The following CMAS variants were observed in gnomAD, a reference collection of about 807,000 sequenced individuals.
CMAS encodes the protein cytidine monophosphate N-acetylneuraminic acid synthetase, also known as N-acylneuraminate cytidylyltransferase.
In CMAS, 21 loss-of-function variants were observed where a neutral mutation model predicts 53.4. That is an observed-to-expected ratio of 0.39 (90% CI 0.28 to 0.57). The LOEUF (loss-of-function observed/expected upper bound fraction) is 0.57, where lower values mean the gene tolerates loss of function less well. Ranked by LOEUF, CMAS falls within the 20% of genes least tolerant of loss-of-function variation. The pLI, the probability that CMAS is intolerant of heterozygous loss-of-function variation, is 0.56. For missense variants in CMAS, 384 were observed against 534.9 expected (o/e 0.72, Z 2.78); for synonymous variants, 189 against 195.2 (o/e 0.97, Z 0.27).
intron 1 of CMAS, among the ~76,000 whole-genome samples, chr12:22,047,171 G>A (rs1036805322): frequency 6.6e-6 from 1 of 152,160 alleles, no homozygotes; most frequent in Non-Finnish European, 1.5e-5. Flanking sequence ...CAGTGGGAAG[G>A]TGTACAACTG....
At chr12:22,063,361 G>C (rs966744101) in intron 7 of CMAS, among the ~76,000 whole-genome samples, 2 of 152,146 alleles carry the variant, frequency 1.3e-5, no homozygotes, top group African/African-American at 2.4e-5. Flanking sequence ...GTTTGTTAAA[G>C]ACAGATCCAA....
chr12:22,057,809 T>C (rs1280141814), intron 3 of CMAS, among the ~76,000 whole-genome samples: 1 of 151,978 alleles, frequency 6.6e-6, no homozygotes, highest in Admixed American at 6.5e-5. Context: ...TTACAGATTT[T>C]ATTCCTTTAA....
At chr12:22,058,545 T>TA (rs764746222) in intron 3 of CMAS, 22 bp from the exon 4 acceptor site, 14 of 1,604,754 alleles carry the variant, frequency 8.7e-6, no homozygotes, top group Non-Finnish European at 2.6e-6. Context: ...AACGTGGACT[T>TA]ACTCTAACTT....
At chr12:22,048,915 G>A (rs1950222891) in intron 1 of CMAS, among the ~76,000 whole-genome samples, 1 of 152,092 alleles carries the variant, frequency 6.6e-6, no homozygotes, top group African/African-American at 2.4e-5. Context: ...GCACCCCTCA[G>A]TGCCTTTCCC....
At chr12:22,059,146 A>ATG (rs1193619072) in intron 4 of CMAS, among the ~76,000 whole-genome samples, 4 of 122,708 alleles carry the variant, frequency 3.3e-5, no homozygotes, top group Non-Finnish European at 6.5e-5. Flanking sequence ...ATATATATAT[A>ATG]TATTTTTTTT....
At chr12:22,051,986 T>G (rs564805205) in intron 1 of CMAS, among the ~76,000 whole-genome samples, 1 of 152,234 alleles carries the variant, frequency 6.6e-6, no homozygotes, top group South Asian at 2.1e-4. Flanking sequence ...TAGGGAGATA[T>G]GGATTTTTCC....
Position 22,065,260 on chromosome 12 carries a change from A to C in CMAS, c.1254A>C (p.Ala418=). Residue 418 remains alanine, a synonymous_variant, in exon 8 of 8, where the codon GCA becomes GCC. Coordinates refer to ENST00000229329, the MANE Select transcript of CMAS (RefSeq NM_018686.6). ...NGGRGAIREF[A]EHICLLMEKV... ...GCCGTGGTGCCATCCGAGAATTTGC[A>C]GAGCACATTTGCCTACTAATGGAAA... 1 of 1,614,148 alleles carries C rather than the reference A, an allele frequency of 6.2e-7. No individual in the cohort carries two copies. Among genetic ancestry groups the C allele is most frequent in the East Asian group, 2.2e-5 (1 of 44,882 alleles).
At chr12:22,057,978 C>T (rs1008461150) in intron 3 of CMAS, among the ~76,000 whole-genome samples, 2 of 151,640 alleles carry the variant, frequency 1.3e-5, no homozygotes, top group Non-Finnish European at 2.9e-5. Context: ...CAGGTACCCA[C>T]CACCATGCCC....
chr12:22,053,981 C>T (rs1290510052), intron 1 of CMAS, among the ~76,000 whole-genome samples: 1 of 150,634 alleles, frequency 6.6e-6, no homozygotes, highest in Non-Finnish European at 1.5e-5. Flanking sequence ...GGCTGGAGTG[C>T]AGTGGCGCGA....
rs890186487 is a variant in CMAS, at chr12:22,050,831, T to A, written c.260+4268T>A. ...ACTCCTGCCATACTAGGTGAAAAGC[T>A]AAGCTTCTTATGAGCAAGTACCCTC... On this transcript the variant is annotated intron_variant, in intron 1 of 7. Coordinates refer to ENST00000229329, the MANE Select transcript of CMAS (RefSeq NM_018686.6). Among the ~76,000 whole-genome samples the A allele has an allele frequency of 2.6e-5, 4 of 152,072 alleles. No homozygotes were observed. The East Asian group carries it at 7.7e-4, about 29-fold the overall frequency.
intron 1 of CMAS, among the ~76,000 whole-genome samples, chr12:22,047,028 G>GT (rs1950211759): frequency 6.6e-6 from 1 of 152,132 alleles, no homozygotes. Context: ...ATGGAGTTGA[G>GT]TGTCGGGGTG....
intron 1 of CMAS, among the ~76,000 whole-genome samples, chr12:22,047,045 C>T (rs1392682046): frequency 7.2e-5 from 11 of 152,156 alleles, no homozygotes; most frequent in African/African-American, 2.7e-4. Context: ...GGTGTCAGAG[C>T]TGAATTTCAA....
Position 22,046,342 on chromosome 12 carries a change from C to T in CMAS, c.39C>T (p.Ser13=). 3 of 1,512,126 alleles carry T rather than the reference C, an allele frequency of 2.0e-6. No homozygotes were observed. The highest frequency in any genetic ancestry group is 2.7e-6 in the Non-Finnish European group (3 of 1,129,320). 93.7% of individuals were successfully genotyped at this position (1,512,126 alleles called of 1,614,324 possible). The change falls in exon 1 of 8, where the codon TCC becomes TCT. Residue 13 remains serine (S), a synonymous_variant. Transcript: ENST00000229329. Reference sequence around the variant, plus strand: ...AGAAGGGGGCCGCCACCTCCGTCTCCAACCCGCGGGGGCGACCGTCCCGGG... The same window carrying T: ...AGAAGGGGGCCGCCACCTCCGTCTCTAACCCGCGGGGGCGACCGTCCCGGG... ...SVEKGAATSV[S]NPRGRPSRGR... is the part of the protein sequence containing the mutation.
intron 1 of CMAS, among the ~76,000 whole-genome samples, chr12:22,048,064 GT>G (rs1950217987): frequency 6.6e-6 from 1 of 152,186 alleles, no homozygotes; most frequent in South Asian, 2.1e-4. Flanking sequence ...TTAAGGTACA[GT>G]CAGATTCAAG....
At chr12:22,054,845 T>C (rs1950257711) in intron 1 of CMAS, among the ~76,000 whole-genome samples, 1 of 152,120 alleles carries the variant, frequency 6.6e-6, no homozygotes, top group African/African-American at 2.4e-5. Context: ...GCATAGTACC[T>C]GATAGGTAGT....
chr12:22,049,884 A>G (rs1009748198), intron 1 of CMAS, among the ~76,000 whole-genome samples: 2 of 150,756 alleles, frequency 1.3e-5, no homozygotes, highest in Admixed American at 1.3e-4. Flanking sequence ...TAGCCTGGGC[A>G]ACAGAGCAAG....
At chr12:22,053,288 C>CA (rs1565529532) in intron 1 of CMAS, among the ~76,000 whole-genome samples, 1 of 150,318 alleles carries the variant, frequency 6.7e-6, no homozygotes, top group African/African-American at 2.5e-5. Flanking sequence ...AAGACTCTGT[C>CA]AAAAAAACAA....
intron 1 of CMAS, among the ~76,000 whole-genome samples, chr12:22,047,895 A>G (rs1042680585): frequency 1.3e-5 from 2 of 152,252 alleles, no homozygotes; most frequent in Admixed American, 1.3e-4. Flanking sequence ...TCCAGACTGC[A>G]GTAATATAGT....
intron 7 of CMAS, among the ~76,000 whole-genome samples, 169 bp downstream of exon 7, chr12:22,062,603 G>C (rs1199027505): frequency 6.6e-6 from 1 of 152,156 alleles, no homozygotes; most frequent in Non-Finnish European, 1.5e-5. Context: ...AGTCTTTCTG[G>C]AGGTTAGTTT....
Sources: gnomAD v4.1 joint callset for allele counts (sites outside exome capture counted in the v4.1 genomes callset) on GRCh38, gnomAD v4.1.1 for gene constraint, MANE v1.5 for transcripts, NCBI Gene and HGNC (gene_info 2026-07-23, HGNC 2026-07-21) for gene names.